The following PRDM2 variants were observed in gnomAD, a reference collection of about 807,000 sequenced individuals.
PRDM2 encodes PR domain zinc finger protein 2.
A neutral mutation model predicts 130.0 loss-of-function variants in PRDM2; 30 were observed. That is an observed-to-expected ratio of 0.23 (90% CI 0.17 to 0.31). The LOEUF is 0.31. PRDM2 is among the 10% of genes least tolerant of loss of function. The pLI is 1.00. For missense variants in PRDM2, 2,011 were observed against 2,108.4 expected, an observed-to-expected ratio of 0.95 and a Z score of 0.90; for synonymous variants, 871 against 782.4, an observed-to-expected ratio of 1.11 and a Z score of -1.89.
chr1:13,724,497 C>CTTT (rs749027235), intron 2 of PRDM2, among the ~76,000 whole-genome samples: 5 of 129,766 alleles, frequency 3.9e-5, no homozygotes, highest in Admixed American at 7.9e-5. Context: ...CTTTTCATGG[C>CTTT]TTTTTTTTTT....
chr1:13,794,118 G>A (rs1211444020), intron 8 of PRDM2, among the ~76,000 whole-genome samples: 1 of 152,208 alleles, frequency 6.6e-6, no homozygotes, highest in African/African-American at 2.4e-5. Context: ...AAGAGATGGT[G>A]AGGTGCAGGC....
chr1:13,789,090 A>G (rs1644797748), intron 8 of PRDM2, among the ~76,000 whole-genome samples: 1 of 152,198 alleles, frequency 6.6e-6, no homozygotes, highest in South Asian at 2.1e-4. Flanking sequence ...CTGGAACATG[A>G]CAGGGACTCA....
chr1:13,743,100 C>G (rs529722426), intron 5 of PRDM2, among the ~76,000 whole-genome samples: 4 of 152,168 alleles, frequency 2.6e-5, no homozygotes, highest in African/African-American at 9.6e-5. Flanking sequence ...GGGTCACATT[C>G]TTTAAGAAGA....
At chr1:13,748,944 C>T (rs1309272594) in intron 5 of PRDM2, among the ~76,000 whole-genome samples, 2 of 152,166 alleles carry the variant, frequency 1.3e-5, no homozygotes, top group Admixed American at 1.3e-4. Context: ...GCGCGCTAGT[C>T]GTTGTCTTTC....
intron 9 of PRDM2, among the ~76,000 whole-genome samples, chr1:13,819,182 C>T (rs1445941866): frequency 6.6e-6 from 1 of 152,232 alleles, no homozygotes. Flanking sequence ...GAGCCAGGTG[C>T]AGCTGGGCTG....
intron 3 of PRDM2, among the ~76,000 whole-genome samples, chr1:13,731,453 A>G (rs942413770): frequency 2.0e-5 from 3 of 152,120 alleles, no homozygotes; most frequent in Non-Finnish European, 4.4e-5. Flanking sequence ...TGATTTCACC[A>G]TGAGGAGCAT....
chr1:13,715,763 C>T, intron 2 of PRDM2, 149 bp downstream of exon 2: 2 of 690,414 alleles, frequency 2.9e-6, no homozygotes, highest in Middle Eastern at 2.6e-4. Flanking sequence ...TGTGTTCATA[C>T]CGTGCATTTG....
chr1:13,739,120 C>T (rs1266952494), intron 4 of PRDM2, among the ~76,000 whole-genome samples: 1 of 151,580 alleles, frequency 6.6e-6, no homozygotes, highest in East Asian at 1.9e-4. Context: ...GATCTTGGCT[C>T]ACTGCAAGCT....
intron 2 of PRDM2, among the ~76,000 whole-genome samples, chr1:13,730,345 T>A (rs1464022816): frequency 3.3e-5 from 5 of 152,178 alleles, no homozygotes; most frequent in African/African-American, 4.8e-5. Context: ...ATAAATAATT[T>A]AAAAAAATTC....
chr1:13,770,872 C>T (rs886276710), intron 6 of PRDM2, among the ~76,000 whole-genome samples: 6 of 152,224 alleles, frequency 3.9e-5, no homozygotes, highest in African/African-American at 1.2e-4. Flanking sequence ...CCGTGAATTT[C>T]CTCACACATC....
At chr1:13,809,806 G>A (rs2100752217) in intron 8 of PRDM2, among the ~76,000 whole-genome samples, 1 of 152,270 alleles carries the variant, frequency 6.6e-6, no homozygotes, top group East Asian at 1.9e-4. Context: ...AACAAAATTT[G>A]GGCTGCCATA....
At chr1:13,787,162 G>T (rs1402936768) in intron 8 of PRDM2, 3 of 984,684 alleles carry the variant, frequency 3.0e-6, no homozygotes, top group African/African-American at 1.7e-5. Flanking sequence ...TGTTGCGTTT[G>T]TATATCCAAA....
Position 13,823,286 on chromosome 1 carries a change from CGTGCGTGTGTGT to C in PRDM2, c.*152_*163del. On this transcript the variant is annotated 3_prime_UTR_variant, in exon 10 of 10. Coordinates refer to ENST00000311066, the MANE Select transcript of PRDM2 (RefSeq NM_001393986.1). ...GTGCATGTGCGCGCGTGCATGTGTGCGTGCGTGTGTGTTCACGTGTTCTCGTGCGGGCGCGTG... is the reference window on the plus strand; with the variant it reads ...GTGCATGTGCGCGCGTGCATGTGTGCTCACGTGTTCTCGTGCGGGCGCGTG... 7.5e-7 allele frequency: 1 copy of C among 1,340,688 alleles called. No homozygotes were observed. The highest frequency in any genetic ancestry group is 1.1e-6 in the Non-Finnish European group (1 of 945,970). 83.0% of individuals were successfully genotyped at this position (1,340,688 alleles called of 1,614,324 possible).
chr1:13,749,185 G>C (rs892113764), intron 5 of PRDM2, among the ~76,000 whole-genome samples, 176 bp from the exon 6 acceptor site: 4 of 151,466 alleles, frequency 2.6e-5, no homozygotes, highest in African/African-American at 9.7e-5. Flanking sequence ...GAGGGTTCCG[G>C]GCGCCGGCGC....
chr1:13,823,342 G>T lies in PRDM2; in HGVS notation c.*207G>T, dbSNP rs1645384102. 3.5e-6 allele frequency: 3 copies of T among 861,302 alleles called. No individual in the cohort carries two copies. The highest frequency in any genetic ancestry group is 2.2e-5 in the Admixed American group (1 of 44,696). 53.4% of individuals were successfully genotyped at this position (861,302 alleles called of 1,614,324 possible). The stretch of plus-strand genomic sequence containing the variant: ...GCGCGTGAGTGGTCTTCAAACGAGG[G>T]TCCCGATCCCCGGGGCGGCAGGAAG... On this transcript the variant is annotated 3_prime_UTR_variant, in exon 10 of 10. Transcript: ENST00000311066.
intron 8 of PRDM2, among the ~76,000 whole-genome samples, chr1:13,808,475 A>AG (rs931256268): frequency 6.6e-6 from 1 of 151,898 alleles, no homozygotes; most frequent in African/African-American, 2.4e-5. Context: ...AAAAAAAAAA[A>AG]AAAAAAAACA....
At chr1:13,807,334 A>T (rs949801950) in intron 8 of PRDM2, among the ~76,000 whole-genome samples, 2 of 152,246 alleles carry the variant, frequency 1.3e-5, no homozygotes, top group African/African-American at 4.8e-5. Context: ...GATGACTGCT[A>T]CTGTATGCCA....
intron 1 of PRDM2, among the ~76,000 whole-genome samples, chr1:13,713,502 A>G (rs1002963515): frequency 2.0e-5 from 3 of 152,212 alleles, no homozygotes; most frequent in Non-Finnish European, 4.4e-5. Context: ...TCCTTGGAAG[A>G]AGCTTCATAA....
intron 6 of PRDM2, among the ~76,000 whole-genome samples, chr1:13,750,399 T>G (rs541467383): frequency 2.5e-4 from 36 of 146,878 alleles, no homozygotes; most frequent in East Asian, 7.8e-4. Flanking sequence ...TGTTTTTTTG[T>G]TTTTTTTTTG....
Sources: allele counts gnomAD v4.1 joint callset (sites outside exome capture counted in the v4.1 genomes callset), GRCh38; gene constraint gnomAD v4.1.1; transcripts MANE v1.5; gene names NCBI Gene and HGNC (gene_info 2026-07-23, HGNC 2026-07-21).